FMN2: variants seen among roughly 807,000 people sequenced by gnomAD.
FMN2 encodes the protein formin 2.
In FMN2, 51 loss-of-function variants were observed where a neutral mutation model predicts 142.3. The ratio of observed to expected loss-of-function variants is 0.36; its 90% CI spans 0.29 to 0.45. The LOEUF (loss-of-function observed/expected upper bound fraction) is 0.45, where lower values mean the gene tolerates loss of function less well. Ranked by LOEUF, FMN2 falls within the 20% of genes least tolerant of loss-of-function variation. FMN2 has a pLI of 1.00. For synonymous variants in FMN2, 882 were observed against 869.8 expected (o/e 1.01, Z -0.25); for missense variants, 1,936 against 2,122.8 (o/e 0.91, Z 1.73).
At chr1:240,374,273 T>C (rs1672968649) in intron 14 of FMN2, among the ~76,000 whole-genome samples, 1 of 152,206 alleles carries the variant, frequency 6.6e-6, no homozygotes, top group Non-Finnish European at 1.5e-5. Flanking sequence ...AAATGATCAA[T>C]CAGCACTCAC....
At chr1:240,144,321 G>A in intron 2 of FMN2, 1 of 1,607,020 alleles carries the variant, frequency 6.2e-7, no homozygotes. Context: ...TTGTTCTCTA[G>A]GTGGGTTTTG....
chr1:240,284,724 C>G (rs11808406), intron 7 of FMN2, among the ~76,000 whole-genome samples: 20,711 of 152,102 alleles, frequency 0.14, 1,526 homozygotes, highest in African/African-American at 0.2. Context: ...CAGAGTCCCT[C>G]AAATTTTTAA....
In FMN2 at chr1:240,325,296, T is replaced by TCG. The variant is rs1553363113; in HGVS notation, c.4216-3776_4216-3775dup. Among the ~76,000 whole-genome samples the TCG allele has an allele frequency of 2.1e-3, 302 of 141,280 alleles. 3 individuals carry two copies. The highest frequency in any genetic ancestry group is 7.8e-3 in the African/African-American group (281 of 36,200). The allele number at this position is 141,280 out of a possible 152,430, so 92.7% of individuals were successfully genotyped here. On this transcript the variant is annotated intron_variant, in intron 8 of 17. Transcript: ENST00000319653. ...AGGTCAAGGCTGCAGTAAGCTGAGATCGCGCCACTGCACTTCAGCCTGGGT... is the reference window on the plus strand; with the variant it reads ...AGGTCAAGGCTGCAGTAAGCTGAGATCGCGCGCCACTGCACTTCAGCCTGGGT...
intron 12 of FMN2, 41 bp downstream of exon 12, chr1:240,333,987 T>A: frequency 6.3e-7 from 1 of 1,584,034 alleles, no homozygotes; most frequent in Non-Finnish European, 8.6e-7. Context: ...CATTATTCTT[T>A]ATTCGTTGGA....
chr1:240,397,785 CAAA>C (rs35826717), intron 15 of FMN2, among the ~76,000 whole-genome samples: 11 of 46,804 alleles, frequency 2.4e-4, no homozygotes, highest in Admixed American at 3.0e-4. Flanking sequence ...GACTCCTTCT[CAAA>C]AAAAAAAAAA....
At chr1:240,155,573 G>A (rs1168289237) in intron 2 of FMN2, among the ~76,000 whole-genome samples, 1 of 152,058 alleles carries the variant, frequency 6.6e-6, no homozygotes, top group East Asian at 1.9e-4. Flanking sequence ...CACTGTGCCT[G>A]GCCTATCAAA....
chr1:240,427,683 T>C (rs1675007254), intron 15 of FMN2, among the ~76,000 whole-genome samples: 1 of 152,222 alleles, frequency 6.6e-6, no homozygotes, highest in South Asian at 2.1e-4. Context: ...TTCTCTACAG[T>C]ATGGATTTTC....
chr1:240,207,165 A>G lies in FMN2; in HGVS notation c.2353A>G (p.Ile785Val). Residue 785 changes from isoleucine to valine, a missense_variant, in exon 5 of 18, where the codon ATT becomes GTT. Coordinates refer to ENST00000319653, the MANE Select transcript of FMN2 (RefSeq NM_020066.5). ...SGPQTKFCSEISLIVSPRRIS... is the reference protein window; with the variant it reads ...SGPQTKFCSEVSLIVSPRRIS... Reference sequence around the variant, plus strand: ...ACCTCAGACAAAGTTCTGTTCAGAGATTTCTTTGATTGTGTCTCCAAGGCG... The same window carrying G: ...ACCTCAGACAAAGTTCTGTTCAGAGGTTTCTTTGATTGTGTCTCCAAGGCG... 6.2e-7 allele frequency: 1 copy of G among 1,613,952 alleles called. No individual in the cohort carries two copies.
chr1:240,447,864 C>T (rs369759505), intron 16 of FMN2, among the ~76,000 whole-genome samples: 5 of 152,270 alleles, frequency 3.3e-5, no homozygotes, highest in African/African-American at 1.2e-4. Flanking sequence ...AATTGTACGG[C>T]ATGTGAATGA....
Sources: allele counts gnomAD v4.1 joint callset (sites outside exome capture counted in the v4.1 genomes callset), GRCh38; gene constraint gnomAD v4.1.1; transcripts MANE v1.5; gene names NCBI Gene and HGNC (gene_info 2026-07-23, HGNC 2026-07-21).